Variants in SHOX observed in about 807,000 individuals in gnomAD.
SHOX encodes the protein SHOX homeobox.
Under a neutral mutation model 29.6 loss-of-function variants are expected in SHOX, and 12 were observed. The observed-to-expected ratio is 0.41, with a 90% CI of 0.26 to 0.66. SHOX has a LOEUF of 0.66. SHOX is among the 30% of genes least tolerant of loss of function. The pLI is 0.35. For synonymous variants in SHOX, 214 were observed against 200.6 expected, an observed-to-expected ratio of 1.07 and a Z score of -0.57; for missense variants, 499 against 437.7, an observed-to-expected ratio of 1.14 and a Z score of -1.25.
chrX:628,124 T>C (rs1409192025), upstream of SHOX, among the ~76,000 whole-genome samples: 1 of 151,606 alleles, frequency 6.6e-6, no homozygotes, highest in Non-Finnish European at 1.5e-5. Flanking sequence ...TCTCTTTGTC[T>C]CTCTCTGTAT....
chrX:626,756 GTC>G (rs2052545537), upstream of SHOX, among the ~76,000 whole-genome samples: 4 of 143,316 alleles, frequency 2.8e-5, no homozygotes, highest in South Asian at 9.0e-4. Flanking sequence ...CTCTACCTCT[GTC>G]TCTCTTTCTC....
chrX:641,475 G>A (rs1364866174), intron 4 of SHOX, among the ~76,000 whole-genome samples: 1 of 152,130 alleles, frequency 6.6e-6, no homozygotes. Context: ...GATCACCTGA[G>A]GTCAGGAATT....
intron 4 of SHOX, among the ~76,000 whole-genome samples, chrX:643,584 C>T (rs1322505431): frequency 7.6e-6 from 1 of 131,726 alleles, no homozygotes; most frequent in East Asian, 2.3e-4. Flanking sequence ...GACCTGGTGT[C>T]CCGGGAGAGG....
Position 648,150 on chromosome X carries a change from C to A in SHOX, c.*3514C>A. ...CCTGCCACCAGGCCTGGGTAACTTT[C>A]TGGTATTTTTAGTAGAGACAGGGTT... On this transcript the variant is annotated 3_prime_UTR_variant, in exon 5 of 5. Coordinates refer to ENST00000686671, the MANE Select transcript of SHOX (RefSeq NM_000451.4). Among the ~76,000 whole-genome samples the A allele has an allele frequency of 5.1e-5, 1 of 19,462 alleles. No individual in the cohort carries two copies. Among genetic ancestry groups the A allele is most frequent in the Non-Finnish European group, 9.8e-5 (1 of 10,194 alleles). 12.8% of individuals were successfully genotyped at this position (19,462 alleles called of 152,430 possible).
intron 1 of SHOX, among the ~76,000 whole-genome samples, chrX:634,081 G>GGTTCTGCT (rs199959684): frequency 0.014 from 2,136 of 152,318 alleles, 22 homozygotes; most frequent in Middle Eastern, 0.031. Flanking sequence ...ACTCAGACGC[G>GGTTCTGCT]GTTCTGCTGT....
intron 2 of SHOX, among the ~76,000 whole-genome samples, chrX:636,877 C>T (rs28453093): frequency 0.31 from 43,822 of 143,416 alleles, 7,340 homozygotes; most frequent in Middle Eastern, 0.42. Flanking sequence ...ACTTTTCCAT[C>T]GATGTTGCTT....
At position 650,792 on chromosome X, in the gene SHOX, T is replaced by A. The variant is rs867395066; in HGVS notation, c.*6156T>A. ...GGCTTTCGGTGGACACGTTTGACAT[T>A]AAAAAAAAAAAAAAAAAAAAAAAAA... On this transcript the variant is annotated 3_prime_UTR_variant, in exon 5 of 5. Coordinates refer to ENST00000686671, the MANE Select transcript of SHOX (RefSeq NM_000451.4). Among the ~76,000 whole-genome samples the A allele has an allele frequency of 0.016, 830 of 50,808 alleles. 22 individuals are homozygous for A. Among genetic ancestry groups the A allele is most frequent in the African/African-American group, 0.05 (735 of 14,758 alleles). The allele number at this position is 50,808 out of a possible 152,430, so 33.3% of individuals were successfully genotyped here. A position where few individuals can be genotyped will look rare whatever the true frequency, so the allele number is the denominator to read the frequency against.
At chrX:644,257 G>A in intron 4 of SHOX, 134 bp from the exon 5 acceptor site, 2 of 1,137,364 alleles carry the variant, frequency 1.8e-6, no homozygotes, top group African/African-American at 1.6e-5. Flanking sequence ...GGTGTGGGGT[G>A]GTCTCCACGG....
chrX:625,711 C>CTCTT (rs2052516874), intron 1 of SHOX, among the ~76,000 whole-genome samples: 5 of 33,336 alleles, frequency 1.5e-4, no homozygotes, highest in Admixed American at 4.2e-4. Flanking sequence ...CTCTTTCTAT[C>CTCTT]TCTGTCTCTC....
chrX:627,529 G>A (rs1423286656), upstream of SHOX, among the ~76,000 whole-genome samples: 2 of 152,180 alleles, frequency 1.3e-5, no homozygotes, highest in Non-Finnish European at 2.9e-5. Flanking sequence ...AGGAAAAGCG[G>A]GGTGTTGGAA....
In SHOX at chrX:634,832, A is replaced by G. The variant is rs1409161252; in HGVS notation, c.486+6A>G. The G allele has an allele frequency of 3.2e-6, 5 of 1,557,150 alleles. No individual in the cohort carries two copies. Among genetic ancestry groups the G allele is most frequent in the Admixed American group, 1.9e-5 (1 of 51,602 alleles). ...TCTCCGAGGCGCGCGTGCAGGTAGG[A>G]ACCCGGGGGCGGGGGCGGGGGGCCC... On this transcript the variant is annotated splice_donor_region_variant and intron_variant, in intron 2 of 4. Coordinates refer to ENST00000686671, the MANE Select transcript of SHOX (RefSeq NM_000451.4).
At chrX:628,097 C>CTCTCTGTGTCTCTGCCTCTCTTTG (rs2052570808), upstream of SHOX, among the ~76,000 whole-genome samples, 1 of 38,116 alleles carries the variant, frequency 2.6e-5, no homozygotes, top group Non-Finnish European at 6.9e-5. Context: ...CCCTGTCTCC[C>CTCTCTGTGTCTCTGCCTCTCTTTG]TCTCTGTGTC....
intron 4 of SHOX, among the ~76,000 whole-genome samples, chrX:642,328 C>T (rs376718427): frequency 4.0e-5 from 6 of 151,834 alleles, no homozygotes; most frequent in African/African-American, 1.2e-4. Flanking sequence ...AGGGCGGACG[C>T]GTGGCCTCCC....
At chrX:628,315 C>A (rs1306879443), upstream of SHOX, among the ~76,000 whole-genome samples, 1 of 150,868 alleles carries the variant, frequency 6.6e-6, no homozygotes, top group Non-Finnish European at 1.5e-5. Context: ...CTTTCTCTGT[C>A]TCTCCTTGTC....
chrX:632,223 G>C (rs930611615), intron 1 of SHOX, among the ~76,000 whole-genome samples: 111 of 152,194 alleles, frequency 7.3e-4, no homozygotes, highest in African/African-American at 2.6e-3. Context: ...GAGCGCAGCC[G>C]GTTGTGCGCG....
upstream of SHOX, among the ~76,000 whole-genome samples, chrX:628,061 C>A (rs1000029171): frequency 6.1e-5 from 4 of 65,470 alleles, no homozygotes; most frequent in African/African-American, 2.0e-4. Flanking sequence ...TCTGTCTCTG[C>A]CTCTCTCCCT....
intron 2 of SHOX, among the ~76,000 whole-genome samples, chrX:639,543 CG>C (rs1391980198): frequency 3.3e-5 from 5 of 152,344 alleles, no homozygotes; most frequent in Admixed American, 6.5e-5. Context: ...GTGGAAACTT[CG>C]GTTCTCCTAC....
intron 1 of SHOX, 138 bp from the exon 2 acceptor site, chrX:634,480 A>T: frequency 1.1e-6 from 1 of 882,442 alleles, no homozygotes. Context: ...CTTTTGCCTT[A>T]TGGACCCCAC....
chrX:638,959 C>T (rs1178349881), intron 2 of SHOX, among the ~76,000 whole-genome samples: 2 of 152,040 alleles, frequency 1.3e-5, no homozygotes, highest in African/African-American at 2.4e-5. Context: ...AGGAATTAAG[C>T]GACTAAGACT....
Sources: allele counts gnomAD v4.1 joint callset (sites outside exome capture counted in the v4.1 genomes callset), GRCh38; gene constraint gnomAD v4.1.1; transcripts MANE v1.5; gene names NCBI Gene and HGNC (gene_info 2026-07-23, HGNC 2026-07-21).